Variants in B3GALT1 observed in about 807,000 individuals in gnomAD.
B3GALT1 encodes the protein beta-1,3-galactosyltransferase 1.
In B3GALT1, 10 loss-of-function variants were observed where a neutral mutation model predicts 23.2. That is an observed-to-expected ratio of 0.43 (90% CI 0.27 to 0.73). The LOEUF is 0.73. Ranked by LOEUF, B3GALT1 falls within the 30% of genes least tolerant of loss-of-function variation. The pLI, the probability that B3GALT1 is intolerant of heterozygous loss-of-function variation, is 0.21. For synonymous variants in B3GALT1, 156 were observed against 141.5 expected, an observed-to-expected ratio of 1.10 and a Z score of -0.73; for missense variants, 299 against 405.4, an observed-to-expected ratio of 0.74 and a Z score of 2.25.
chr2:167,334,309 A>G (rs561290610), intron 1 of B3GALT1, among the ~76,000 whole-genome samples: 2 of 152,302 alleles, frequency 1.3e-5, no homozygotes, highest in South Asian at 2.1e-4. Flanking sequence ...CTAATCTTCT[A>G]AGAGGAATAA....
chr2:167,424,165 G>A (rs187072656), intron 1 of B3GALT1, among the ~76,000 whole-genome samples: 1 of 152,168 alleles, frequency 6.6e-6, no homozygotes, highest in Non-Finnish European at 1.5e-5. Flanking sequence ...TTTCATTCCA[G>A]TAGTACACAT....
intron 4 of B3GALT1, among the ~76,000 whole-genome samples, chr2:167,868,606 G>C (rs1690280265): frequency 6.6e-6 from 1 of 151,822 alleles, no homozygotes; most frequent in Non-Finnish European, 1.5e-5. Context: ...TTCTTAATTG[G>C]GTATTAATAT....
At chr2:167,512,981 TTATTTAATATTTAAATATATTTACATTC>T (rs1207027328) in intron 2 of B3GALT1, among the ~76,000 whole-genome samples, 4 of 147,742 alleles carry the variant, frequency 2.7e-5, no homozygotes. Flanking sequence ...TAAATATTTA[TTATTTAATATTTAAATATATTTACATTC>T]AGTGAGACAA....
At chr2:167,653,668 G>A (rs1436445532) in intron 3 of B3GALT1, among the ~76,000 whole-genome samples, 2 of 152,114 alleles carry the variant, frequency 1.3e-5, no homozygotes, top group Non-Finnish European at 2.9e-5. Flanking sequence ...GCTCCTAATA[G>A]GCTTCCTCAT....
Position 167,324,849 on chromosome 2 carries a change from C to T in B3GALT1, c.-511+31515C>T, listed in dbSNP as rs529432466. ...TATTTGCATCCATTAACCAACCTCT[C>T]TTCATCAGTCCCTCTGCCTCACTAC... On this transcript the variant is annotated intron_variant, in intron 1 of 4. Coordinates refer to ENST00000392690, the MANE Select transcript of B3GALT1 (RefSeq NM_020981.4). 8.2e-4 allele frequency among the ~76,000 whole-genome samples: 125 copies of T among 152,238 alleles called. 1 individual carries two copies. The highest frequency in any genetic ancestry group is 1.5e-3 in the Non-Finnish European group (103 of 68,002).
intron 3 of B3GALT1, among the ~76,000 whole-genome samples, chr2:167,789,114 G>C (rs150558421): frequency 1.3e-5 from 2 of 152,222 alleles, no homozygotes; most frequent in African/African-American, 4.8e-5. Context: ...CCATTAACTC[G>C]CATGTCACAT....
intron 2 of B3GALT1, among the ~76,000 whole-genome samples, chr2:167,618,767 TA>T: frequency 6.6e-6 from 1 of 152,114 alleles, no homozygotes; most frequent in Middle Eastern, 3.4e-3. Flanking sequence ...CTCTCAGAGT[TA>T]GTCTGTTACT....
intron 3 of B3GALT1, among the ~76,000 whole-genome samples, chr2:167,662,245 G>A (rs998767795): frequency 6.6e-6 from 1 of 152,078 alleles, no homozygotes. Flanking sequence ...TTGTCCACAA[G>A]TACTTTTTTT....
chr2:167,776,040 G>GCACACACACA (rs71003011), intron 3 of B3GALT1, among the ~76,000 whole-genome samples: 1,660 of 142,334 alleles, frequency 0.012, 37 homozygotes, highest in African/African-American at 0.041. Context: ...ATGCAACTGT[G>GCACACACACA]CACACACACA....
intron 1 of B3GALT1, among the ~76,000 whole-genome samples, chr2:167,373,194 G>T (rs1697711577): frequency 6.6e-6 from 1 of 151,878 alleles, no homozygotes; most frequent in African/African-American, 2.4e-5. Context: ...TCCCACCTTT[G>T]TACTGCACAT....
intron 2 of B3GALT1, among the ~76,000 whole-genome samples, chr2:167,574,161 G>T (rs1269269060): frequency 2.0e-5 from 3 of 151,534 alleles, no homozygotes; most frequent in African/African-American, 7.3e-5. Context: ...TACAAGCTTT[G>T]CACTTAGTAC....
At chr2:167,410,636 G>A (rs551097111) in intron 1 of B3GALT1, among the ~76,000 whole-genome samples, 4 of 152,100 alleles carry the variant, frequency 2.6e-5, no homozygotes, top group East Asian at 1.9e-4. Flanking sequence ...TAATGCATAC[G>A]GGCTTAAAAC....
Position 167,435,932 on chromosome 2 carries a change from G to C in B3GALT1, c.-510-54245G>C, listed in dbSNP as rs78001109. On this transcript the variant is annotated intron_variant, in intron 1 of 4. Coordinates refer to ENST00000392690, the MANE Select transcript of B3GALT1 (RefSeq NM_020981.4). The stretch of plus-strand genomic sequence containing the variant: ...TATCTTGATCTCTGCTTTTCTCCAT[G>C]TCTACCCTCCACACACACACAAACA... Among the ~76,000 whole-genome samples, 1,029 of 148,804 alleles carry C rather than the reference G, an allele frequency of 6.9e-3. 13 individuals are homozygous for C. Among genetic ancestry groups the C allele is most frequent in the African/African-American group, 0.025 (986 of 40,002 alleles).
intron 3 of B3GALT1, among the ~76,000 whole-genome samples, chr2:167,683,532 G>A (rs1235241342): frequency 6.6e-6 from 1 of 152,094 alleles, no homozygotes; most frequent in Non-Finnish European, 1.5e-5. Flanking sequence ...ATCAGCTGGG[G>A]CAACATGACC....
At chr2:167,797,905 C>T (rs1261624922) in intron 3 of B3GALT1, among the ~76,000 whole-genome samples, 1 of 152,052 alleles carries the variant, frequency 6.6e-6, no homozygotes, top group Non-Finnish European at 1.5e-5. Flanking sequence ...GGGGTTTCAC[C>T]ACGTTAGCCA....
At chr2:167,559,273 C>G (rs1293818250) in intron 2 of B3GALT1, among the ~76,000 whole-genome samples, 3 of 152,174 alleles carry the variant, frequency 2.0e-5, no homozygotes, top group African/African-American at 4.8e-5. Context: ...GGAAAACTAA[C>G]AAACAGGACA....
At chr2:167,698,854 G>A (rs1686827029) in intron 3 of B3GALT1, among the ~76,000 whole-genome samples, 1 of 152,106 alleles carries the variant, frequency 6.6e-6, no homozygotes, top group African/African-American at 2.4e-5. Flanking sequence ...ATGCTCTTAG[G>A]CAGGAATTTT....
chr2:167,616,325 C>T (rs1214379616), intron 2 of B3GALT1, among the ~76,000 whole-genome samples: 1 of 151,958 alleles, frequency 6.6e-6, no homozygotes, highest in East Asian at 1.9e-4. Context: ...TACTTTGACC[C>T]AGTAATTACT....
chr2:167,451,650 C>A (rs1054568252), intron 1 of B3GALT1, among the ~76,000 whole-genome samples: 2 of 152,146 alleles, frequency 1.3e-5, no homozygotes, highest in Admixed American at 1.3e-4. Context: ...TTGTTTAATC[C>A]TATTTTTGTG....
Sources: allele counts gnomAD v4.1 joint callset (sites outside exome capture counted in the v4.1 genomes callset), GRCh38; gene constraint gnomAD v4.1.1; transcripts MANE v1.5; gene names NCBI Gene and HGNC (gene_info 2026-07-23, HGNC 2026-07-21).